PTPRE: variants seen among roughly 807,000 people sequenced by gnomAD.
PTPRE encodes receptor-type tyrosine-protein phosphatase epsilon.
Under a neutral mutation model 102.0 loss-of-function variants are expected in PTPRE, and 51 were observed. That is an observed-to-expected ratio of 0.50 (90% CI 0.40 to 0.63). PTPRE has a LOEUF of 0.63. Among genes scored for constraint, PTPRE ranks in the 30% least tolerant of loss-of-function variants. The pLI is 0.00. For synonymous variants in PTPRE, 345 were observed against 348.2 expected (o/e 0.99, Z 0.10); for missense variants, 752 against 915.1 (o/e 0.82, Z 2.30).
chr10:127,970,196 C>A (rs898664977), intron 1 of PTPRE, among the ~76,000 whole-genome samples: 1 of 152,198 alleles, frequency 6.6e-6, no homozygotes, highest in African/African-American at 2.4e-5. Context: ...AGGGAGGGAA[C>A]TTGGGTGGGG....
At chr10:127,963,609 A>G (rs973988537) in intron 1 of PTPRE, among the ~76,000 whole-genome samples, 2 of 152,052 alleles carry the variant, frequency 1.3e-5, no homozygotes, top group African/African-American at 4.8e-5. Flanking sequence ...ATTGTCTCCA[A>G]TCCTGGAGTT....
At position 127,908,834 on chromosome 10, in the gene PTPRE, G is replaced by A. The variant is rs117106228; in HGVS notation, c.-31+1525G>A. On this transcript the variant is annotated intron_variant, in intron 1 of 20. Transcript: ENST00000254667. ...CGCCCCCTCCCTGCCCCAACAGACC[G>A]TTCCCATGTGGACAAGAGCTAGGAG... is the stretch of plus-strand genomic sequence containing the variant. Among the ~76,000 whole-genome samples, 307 of 152,272 alleles carry A rather than the reference G, an allele frequency of 2.0e-3. 6 individuals are homozygous for A. The East Asian group carries it at 0.049, about 24-fold the overall frequency.
At chr10:128,068,018 C>A in intron 11 of PTPRE, 105 bp from the exon 12 acceptor site, 1 of 1,326,954 alleles carries the variant, frequency 7.5e-7, no homozygotes, top group South Asian at 1.4e-5. Flanking sequence ...CTCCCCTACG[C>A]AGCCCCAGCA....
In PTPRE at chr10:128,081,868, C is replaced by G. The variant is rs143486391; in HGVS notation, c.2029-964C>G. Among the ~76,000 whole-genome samples the G allele has an allele frequency of 2.4e-3, 361 of 152,360 alleles. 1 individual carries two copies. The highest frequency in any genetic ancestry group is 8.0e-3 in the African/African-American group (332 of 41,586). ...AGACCGGGACTCAGGAAGGGCTAAG[C>G]TAGCTGTTTGGCATCTTTCCACCCA... is the stretch of plus-strand genomic sequence containing the variant. On this transcript the variant is annotated intron_variant, in intron 20 of 20. Coordinates refer to ENST00000254667, the MANE Select transcript of PTPRE (RefSeq NM_006504.6).
chr10:128,018,703 G>A (rs1157349106), intron 2 of PTPRE, among the ~76,000 whole-genome samples: 2 of 152,126 alleles, frequency 1.3e-5, no homozygotes, highest in African/African-American at 4.8e-5. Flanking sequence ...CTCCCGGCCA[G>A]TTCTCCCAGA....
At chr10:128,015,276 G>T (rs760782973) in intron 2 of PTPRE, among the ~76,000 whole-genome samples, 1 of 152,178 alleles carries the variant, frequency 6.6e-6, no homozygotes. Flanking sequence ...GGGCCTCGTG[G>T]CTCACGCCTA....
chr10:128,022,869 T>C (rs1263571978), intron 2 of PTPRE, among the ~76,000 whole-genome samples: 1 of 152,216 alleles, frequency 6.6e-6, no homozygotes, highest in Non-Finnish European at 1.5e-5. Flanking sequence ...CCATCGCTGC[T>C]CCAAAGTCAC....
chr10:128,067,999 G>A (rs1426620879), intron 11 of PTPRE, 124 bp from the exon 12 acceptor site: 2 of 1,106,334 alleles, frequency 1.8e-6, no homozygotes, highest in African/African-American at 3.1e-5. Flanking sequence ...GCCCTCTGTG[G>A]ATGGGCCCCT....
At chr10:127,987,352 C>T in intron 2 of PTPRE, 1 of 1,282,518 alleles carries the variant, frequency 7.8e-7, no homozygotes, top group African/African-American at 1.5e-5. Context: ...ATGGATTCTC[C>T]AAGGCCAGGA....
chr10:128,002,242 CTGTT>C (rs1286350395), intron 2 of PTPRE, among the ~76,000 whole-genome samples: 1 of 152,220 alleles, frequency 6.6e-6, no homozygotes, highest in Non-Finnish European at 1.5e-5. Context: ...CTGCTCCTGC[CTGTT>C]TATTTCTGCT....
At chr10:127,916,058 G>A (rs1027357716) in intron 1 of PTPRE, among the ~76,000 whole-genome samples, 27 of 151,904 alleles carry the variant, frequency 1.8e-4, no homozygotes, top group Non-Finnish European at 4.4e-5. Context: ...TCCACAGGAA[G>A]ACAGAACTCA....
At chr10:128,059,470 T>C (rs7906861) in intron 7 of PTPRE, among the ~76,000 whole-genome samples, 126,533 of 152,226 alleles carry the variant, frequency 0.83, 52,897 homozygotes, top group African/African-American at 0.91. Flanking sequence ...ACCTGGGGGC[T>C]GCCCGGCTCC....
At chr10:128,019,681 C>T (rs1842938550) in intron 2 of PTPRE, among the ~76,000 whole-genome samples, 1 of 152,168 alleles carries the variant, frequency 6.6e-6, no homozygotes, top group South Asian at 2.1e-4. Context: ...TCAGCTGCCC[C>T]CTGAGCATCC....
intron 19 of PTPRE, among the ~76,000 whole-genome samples, chr10:128,079,231 G>C (rs1851486987): frequency 6.6e-6 from 1 of 152,088 alleles, no homozygotes; most frequent in African/African-American, 2.4e-5. Flanking sequence ...TGTGCTGCTG[G>C]TCCAGGGACC....
rs574647156 is a variant in PTPRE, at chr10:128,015,436, G to A, written c.-7-25439G>A. Among the ~76,000 whole-genome samples the A allele has an allele frequency of 1.9e-4, 29 of 152,032 alleles. No individual in the cohort carries two copies. In the East Asian group the frequency reaches 5.4e-3, roughly 28 times the overall value. On this transcript the variant is annotated intron_variant, in intron 2 of 20. Coordinates refer to ENST00000254667, the MANE Select transcript of PTPRE (RefSeq NM_006504.6). ...GGCTGAAGTGCAGTGGCGTGATCTC[G>A]GCTCACTGCAAGCTCCGCCTCCTGG...
chr10:128,009,812 A>T (rs552847239), intron 2 of PTPRE, among the ~76,000 whole-genome samples: 26 of 152,232 alleles, frequency 1.7e-4, no homozygotes, highest in Non-Finnish European at 3.7e-4. Context: ...ACATAATTGT[A>T]GTCTCGTTTC....
At position 128,082,195 on chromosome 10, in the gene PTPRE, CTTTTTTTTTT is replaced by C. The variant is rs35709074; in HGVS notation, c.2029-618_2029-609del. On this transcript the variant is annotated intron_variant, in intron 20 of 20. Coordinates refer to ENST00000254667, the MANE Select transcript of PTPRE (RefSeq NM_006504.6). The stretch of plus-strand genomic sequence containing the variant: ...TTAGTACTCTGATTTTTTTCTCTTT[CTTTTTTTTTT>C]TTTTTTTTTTTTTTTTTTGAGACAG... 1.6e-3 allele frequency among the ~76,000 whole-genome samples: 140 copies of C among 89,056 alleles called. 3 individuals carry two copies. Among genetic ancestry groups the C allele is most frequent in the African/African-American group, 5.5e-3 (120 of 22,002 alleles). 58.4% of individuals were successfully genotyped at this position (89,056 alleles called of 152,430 possible).
At chr10:127,917,901 G>A (rs1298606216) in intron 1 of PTPRE, among the ~76,000 whole-genome samples, 5 of 151,930 alleles carry the variant, frequency 3.3e-5, no homozygotes, top group Admixed American at 6.6e-5. Context: ...ACGCTGGCAC[G>A]CACCTGTAAT....
intron 9 of PTPRE, among the ~76,000 whole-genome samples, chr10:128,062,595 A>T (rs1849702918): frequency 6.6e-6 from 1 of 152,194 alleles, no homozygotes; most frequent in African/African-American, 2.4e-5. Flanking sequence ...CAGGAAGTGG[A>T]TAGGGGCAGA....
Sources: gnomAD v4.1 joint callset for allele counts (sites outside exome capture counted in the v4.1 genomes callset) on GRCh38, gnomAD v4.1.1 for gene constraint, MANE v1.5 for transcripts, NCBI Gene and HGNC (gene_info 2026-07-23, HGNC 2026-07-21) for gene names.